The following ODC1 variants were observed in gnomAD, a reference collection of about 807,000 sequenced individuals.
The protein encoded by ODC1 is ornithine decarboxylase 1, also known as ornithine decarboxylase.
A neutral mutation model predicts 41.5 loss-of-function variants in ODC1; 18 were observed. The ratio of observed to expected loss-of-function variants is 0.43; its 90% CI spans 0.30 to 0.64. The LOEUF (loss-of-function observed/expected upper bound fraction) is 0.64, where lower values mean the gene tolerates loss of function less well. Ranked by LOEUF, ODC1 falls within the 30% of genes least tolerant of loss-of-function variation. ODC1 has a pLI of 0.11. For synonymous variants in ODC1, 218 were observed against 211.6 expected, an observed-to-expected ratio of 1.03 and a Z score of -0.26; for missense variants, 504 against 589.0, an observed-to-expected ratio of 0.86 and a Z score of 1.49.
chr2:10,444,110 G>A lies in ODC1; in HGVS notation c.434C>T (p.Ala145Val). ...SEVELMKVAR[A>V]HPKAKLVLRI... ...AATAACTCACTTTGCTTTGGGATGTGCTCTGGCAACTTTCATCAACTCAAC... is the reference window on the plus strand; with the variant it reads ...AATAACTCACTTTGCTTTGGGATGTACTCTGGCAACTTTCATCAACTCAAC... The change falls in exon 5 of 12, where the codon GCA becomes GTA. Residue 145 changes from alanine (A) to valine (V), a missense_variant. By Grantham distance (64) the Ala-to-Val change is moderately conservative. Around this residue, in one of 3 missense-constraint regions of ODC1, gnomAD observed 447 missense variants for 524.4 expected, o/e 0.85. Coordinates refer to ENST00000234111, the MANE Select transcript of ODC1 (RefSeq NM_002539.3). 6.2e-7 allele frequency: 1 copy of A among 1,602,862 alleles called. No homozygotes were observed.
chr2:10,448,314 C>A lies in ODC1; in HGVS notation c.-321G>T. ...CGGCGGGCGGCGGCGGCGGCGGCTA[C>A]AGGAGGGACTGACAAAGCCCCACGG... On this transcript the variant is annotated 5_prime_UTR_variant, in exon 1 of 12. Transcript: ENST00000234111. The A allele has an allele frequency of 3.8e-6, 1 of 261,912 alleles. No individual in the cohort carries two copies. The allele number at this position is 261,912 out of a possible 1,614,324, so 16.2% of individuals were successfully genotyped here.
rs187187788 is a variant in ODC1, at chr2:10,445,171, T to A, written c.-34A>T. ...AATACTTACATGGAAAACTAAGAGA[T>A]GGAATTGAAAGAAATATTTCCAGCT... On this transcript the variant is annotated 5_prime_UTR_variant, in exon 2 of 12. Coordinates refer to ENST00000234111, the MANE Select transcript of ODC1 (RefSeq NM_002539.3). 3.3e-6 allele frequency: 2 copies of A among 601,976 alleles called. No individual in the cohort carries two copies. Among genetic ancestry groups the A allele is most frequent in the Non-Finnish European group, 2.9e-6 (1 of 339,076 alleles). 37.3% of individuals were successfully genotyped at this position (601,976 alleles called of 1,614,324 possible).
chr2:10,443,192 G>T, intron 8 of ODC1, 38 bp downstream of exon 8: 2 of 1,478,970 alleles, frequency 1.4e-6, no homozygotes, highest in Non-Finnish European at 1.9e-6. Flanking sequence ...GAATTTATTA[G>T]AACGGCTACT....
intron 1 of ODC1, chr2:10,447,513 C>T (rs1201848772): frequency 1.3e-5 from 2 of 152,248 alleles, no homozygotes; most frequent in Non-Finnish European, 2.9e-5. Context: ...TTCATCTAAG[C>T]CAAGCTTTTC....
intron 8 of ODC1, among the ~76,000 whole-genome samples, chr2:10,442,387 C>G (rs144020397): frequency 6.6e-6 from 1 of 152,172 alleles, no homozygotes; most frequent in Non-Finnish European, 1.5e-5. Context: ...CCTCCAGGCA[C>G]CCTATCTCCT....
intron 5 of ODC1, 55 bp downstream of exon 5, chr2:10,444,040 A>T: frequency 6.6e-7 from 1 of 1,516,322 alleles, no homozygotes; most frequent in Non-Finnish European, 8.8e-7. Flanking sequence ...TTGTTTGATA[A>T]GAATCCACAT....
chr2:10,441,879 C>T lies in ODC1; in HGVS notation c.964G>A (p.Val322Ile), dbSNP rs1295520741. ...AGTATGCAATTAAATGATCCATAGA[C>T]GCCATCATTCACATAATACATAAAG... The part of the protein sequence containing the change: ...QTFMYYVNDG[V>I]YGSFNCILYD... The change falls in exon 10 of 12, where the codon GTC (valine) becomes ATC (isoleucine). Residue 322 changes from valine (V) to isoleucine (I), a missense_variant. This residue lies in a region of ODC1 where 447 missense variants were observed against 524.4 expected (regional missense o/e 0.85). Transcript: ENST00000234111. 10 of 1,614,042 alleles carry T rather than the reference C, an allele frequency of 6.2e-6. No homozygotes were observed. Among genetic ancestry groups the T allele is most frequent in the South Asian group, 4.4e-5 (4 of 91,088 alleles).
At chr2:10,447,467 T>C (rs945721361) in intron 1 of ODC1, 1 of 152,290 alleles carries the variant, frequency 6.6e-6, no homozygotes, top group Non-Finnish European at 1.5e-5. Context: ...CAGCCTTTTC[T>C]GCAAACCTTA....
At chr2:10,446,511 G>A (rs2148072474) in intron 1 of ODC1, among the ~76,000 whole-genome samples, 1 of 152,142 alleles carries the variant, frequency 6.6e-6, no homozygotes, top group East Asian at 1.9e-4. Flanking sequence ...TGTCCTTACA[G>A]TCACTCTCGT....
At position 10,441,797 on chromosome 2, in the gene ODC1, A is replaced by G; in HGVS notation, c.1026+20T>C. On this transcript the variant is annotated intron_variant, in intron 10 of 11. Transcript: ENST00000234111. ...TGACCAGTCCTCTTAATTGTTTTAT[A>G]CAGTATGCTCAGAAATTACCTTTTG... The G allele has an allele frequency of 6.2e-7, 1 of 1,612,884 alleles. No individual in the cohort carries two copies. The highest frequency in any genetic ancestry group is 8.5e-7 in the Non-Finnish European group (1 of 1,178,892).
chr2:10,441,680 C>A lies in ODC1; in HGVS notation c.1070G>T (p.Gly357Val). The A allele has an allele frequency of 6.2e-7, 1 of 1,614,194 alleles. No homozygotes were observed. Among genetic ancestry groups the A allele is most frequent in the South Asian group, 1.1e-5 (1 of 91,072 alleles). Residue 357 changes from glycine to valine, a missense_variant, in exon 11 of 12, where the codon GGA becomes GTA. By Grantham distance (109) the Gly-to-Val change is moderately radical. Transcript: ENST00000234111. ...DEKYYSSSIWGPTCDGLDRIV... is the reference protein window; with the variant it reads ...DEKYYSSSIWVPTCDGLDRIV... ...CCGATCGAGGCCATCACATGTTGGTCCCCATATGCTGGATGAATAATACTT... is the reference window on the plus strand; with the variant it reads ...CCGATCGAGGCCATCACATGTTGGTACCCATATGCTGGATGAATAATACTT...
rs887050271 is a variant in ODC1 at position 10,445,043 on chromosome 2, T to C, written c.-11A>G. 7.6e-6 allele frequency: 12 copies of C among 1,572,614 alleles called. No homozygotes were observed. The highest frequency in any genetic ancestry group is 3.3e-5 in the Admixed American group (2 of 59,924). The stretch of plus-strand genomic sequence containing the variant: ...ACCAAAGTTGTTCATGATTTCTTGA[T>C]GTTCCTCTGAAATGCAACAAAATGC... On this transcript the variant is annotated 5_prime_UTR_variant, in exon 3 of 12. Transcript: ENST00000234111.
rs1558548893 is a variant in ODC1, at chr2:10,441,944, C to G, written c.914-15G>C. ...CTCATCTTCGTCTAGAAAGGCAGAT[C>G]AACAATCTTAATGACTTTTTGCATC... On this transcript the variant is annotated splice_polypyrimidine_tract_variant and intron_variant, in intron 9 of 11. Transcript: ENST00000234111. The G allele has an allele frequency of 1.2e-6, 2 of 1,613,418 alleles. No individual in the cohort carries two copies. The highest frequency in any genetic ancestry group is 2.7e-5 in the African/African-American group (2 of 74,892).
chr2:10,445,360 C>G (rs554032515), intron 1 of ODC1, 96 bp from the exon 2 acceptor site: 1 of 277,770 alleles, frequency 3.6e-6, no homozygotes, highest in East Asian at 9.7e-5. Context: ...AATCATGCCC[C>G]GGATATGAAC....
intron 5 of ODC1, 57 bp downstream of exon 5, chr2:10,444,038 T>A: frequency 6.6e-7 from 1 of 1,515,860 alleles, no homozygotes; most frequent in South Asian, 1.3e-5. Flanking sequence ...GTTTGTTTGA[T>A]AAGAATCCAC....
At chr2:10,444,410 T>C in intron 4 of ODC1, 64 bp downstream of exon 4, 14 of 1,526,746 alleles carry the variant, frequency 9.2e-6, no homozygotes, top group Non-Finnish European at 1.1e-5. Flanking sequence ...AACTTGTATC[T>C]GCCTCGTGGG....
rs2148071147 is a variant in ODC1 at position 10,445,267 on chromosome 2, G to A, written c.-127-3C>T. 2 of 436,260 alleles carry A rather than the reference G, an allele frequency of 4.6e-6. No homozygotes were observed. Among genetic ancestry groups the A allele is most frequent in the Middle Eastern group, 6.7e-4 (1 of 1,500 alleles). 27.0% of individuals were successfully genotyped at this position (436,260 alleles called of 1,614,324 possible). The stretch of plus-strand genomic sequence containing the variant: ...GCCCTTGGAACAGCAGTGACAATCT[G>A]AGAAATAAAATAGGGAATTTGCTGT... On this transcript the variant is annotated splice_region_variant and splice_polypyrimidine_tract_variant and intron_variant, in intron 1 of 11. Coordinates refer to ENST00000234111, the MANE Select transcript of ODC1 (RefSeq NM_002539.3).
rs752002266 is a variant in ODC1, at chr2:10,442,170, G to A, written c.755C>T (p.Thr252Ile). 7.5e-6 allele frequency: 12 copies of A among 1,601,666 alleles called. No individual in the cohort carries two copies. In the African/African-American group the frequency reaches 1.5e-4, roughly 20 times the overall value. Reference protein sequence around the residue: ...EDVKLKFEEITGVINPALDKY... With the variant: ...EDVKLKFEEIIGVINPALDKY... Reference sequence around the variant, plus strand: ...GTCCAACGCTGGGTTGATTACGCCGGTGATCTAAGAGAGTGAAACAGAAAA... The same window carrying A: ...GTCCAACGCTGGGTTGATTACGCCGATGATCTAAGAGAGTGAAACAGAAAA... The change falls in exon 9 of 12, where the codon ACC becomes ATC. Residue 252 changes from threonine to isoleucine, a missense_variant. By Grantham distance (89) the Thr-to-Ile change is moderately conservative (BLOSUM62 -1). Coordinates refer to ENST00000234111, the MANE Select transcript of ODC1 (RefSeq NM_002539.3).
At chr2:10,443,093 C>A (rs1307703714) in intron 8 of ODC1, 137 bp downstream of exon 8, 6 of 705,204 alleles carry the variant, frequency 8.5e-6, no homozygotes, top group Non-Finnish European at 1.5e-5. Context: ...TCAGACAGCA[C>A]AAAGAAATCA....
Sources: allele counts gnomAD v4.1 joint callset (sites outside exome capture counted in the v4.1 genomes callset), GRCh38; gene constraint gnomAD v4.1.1; regional missense constraint gnomAD v4.1.1; transcripts MANE v1.5; gene names NCBI Gene and HGNC (gene_info 2026-07-23, HGNC 2026-07-21).